LRP5: variants seen among roughly 807,000 people sequenced by gnomAD.
The protein encoded by LRP5 is low-density lipoprotein receptor-related protein 5.
In LRP5, 62 loss-of-function variants were observed where a neutral mutation model predicts 154.1. The ratio of observed to expected loss-of-function variants is 0.40; its 90% confidence interval spans 0.33 to 0.50. The LOEUF (loss-of-function observed/expected upper bound fraction) is 0.50, where lower values mean the gene tolerates loss of function less well. LRP5 is among the 20% of genes least tolerant of loss of function. The pLI is 0.55. For missense variants in LRP5, 1,915 were observed against 2,336.7 expected, an observed-to-expected ratio of 0.82 and a Z score of 3.72; for synonymous variants, 966 against 1,011.5, an observed-to-expected ratio of 0.96 and a Z score of 0.85.
intron 17 of LRP5, 74 bp downstream of exon 17, chr11:68,429,774 G>A: frequency 1.9e-6 from 3 of 1,597,948 alleles, no homozygotes; most frequent in Admixed American, 1.7e-5. Context: ...CTGCTGCCTG[G>A]CATCCTTTTA....
At chr11:68,345,792 C>T (rs866235917) in intron 1 of LRP5, among the ~76,000 whole-genome samples, 4 of 152,288 alleles carry the variant, frequency 2.6e-5, no homozygotes, top group Middle Eastern at 3.4e-3. Flanking sequence ...GCCAGTGGTG[C>T]ACAAGGGTTC....
chr11:68,361,304 C>CAA (rs111416748), intron 3 of LRP5, among the ~76,000 whole-genome samples: 1 of 122,554 alleles, frequency 8.2e-6, no homozygotes. Flanking sequence ...GACTCTGTCT[C>CAA]AAAAAAAAAA....
chr11:68,383,746 A>G (rs1415315081), intron 5 of LRP5, among the ~76,000 whole-genome samples: 1 of 152,134 alleles, frequency 6.6e-6, no homozygotes, highest in Non-Finnish European at 1.5e-5. Context: ...GACTGTTGGT[A>G]TGGGGCGGCC....
chr11:68,316,996 C>G (rs2098593785), intron 1 of LRP5, among the ~76,000 whole-genome samples: 1 of 152,250 alleles, frequency 6.6e-6, no homozygotes, highest in Non-Finnish European at 1.5e-5. Context: ...GGGGCTACAT[C>G]CAGGTCCTCG....
intron 1 of LRP5, among the ~76,000 whole-genome samples, chr11:68,316,437 A>C (rs113530330): frequency 2.0e-5 from 3 of 151,962 alleles, no homozygotes; most frequent in African/African-American, 7.2e-5. Context: ...ACGCCCAGCT[A>C]ATTTTTGTAT....
intron 21 of LRP5, among the ~76,000 whole-genome samples, chr11:68,443,585 A>ATATATATATT (rs1259673892): frequency 8.1e-5 from 2 of 24,830 alleles, no homozygotes; most frequent in African/African-American, 1.6e-4. Context: ...ATATATATAT[A>ATATATATATT]TTTTTTTTTT....
intron 1 of LRP5, among the ~76,000 whole-genome samples, chr11:68,326,978 C>T (rs1338786613): frequency 6.6e-6 from 1 of 152,186 alleles, no homozygotes; most frequent in African/African-American, 2.4e-5. Context: ...TGGACTTTGC[C>T]CAGTGTTGTG....
intron 21 of LRP5, among the ~76,000 whole-genome samples, chr11:68,443,571 ATATATATATATATATTTT>A (rs1399698274): frequency 0.012 from 524 of 42,668 alleles, 25 homozygotes; most frequent in Non-Finnish European, 0.02. Flanking sequence ...ATATATATAT[ATATATATATATATATTTT>A]TTTTTTTTTT....
intron 21 of LRP5, among the ~76,000 whole-genome samples, chr11:68,442,281 T>G (rs1459226297): frequency 6.6e-6 from 1 of 152,212 alleles, no homozygotes; most frequent in Non-Finnish European, 1.5e-5. Flanking sequence ...ACATAAGTGT[T>G]TTTTGTTTGT....
At chr11:68,417,652 A>G (rs1391456799) in intron 13 of LRP5, among the ~76,000 whole-genome samples, 1 of 151,572 alleles carries the variant, frequency 6.6e-6, no homozygotes, top group East Asian at 2.0e-4. Flanking sequence ...AACAACTGCT[A>G]GGCTGGGCGC....
chr11:68,325,958 A>C (rs2098599391), intron 1 of LRP5, among the ~76,000 whole-genome samples: 1 of 151,020 alleles, frequency 6.6e-6, no homozygotes, highest in South Asian at 2.1e-4. Context: ...CATAGTGACG[A>C]CCCCCCGGGG....
chr11:68,370,786 A>C lies in LRP5; in HGVS notation c.1015+5084A>C, dbSNP rs188163146. ...CATTTATAGGCCCTGCTTGGGCGAG[A>C]CTCTGGGCCGGGAACGTCCACATGC... On this transcript the variant is annotated intron_variant, in intron 5 of 22. Transcript: ENST00000294304. Among the ~76,000 whole-genome samples the C allele has an allele frequency of 1.4e-3, 206 of 152,038 alleles. 2 individuals carry two copies. The highest frequency in any genetic ancestry group is 2.2e-3 in the Non-Finnish European group (151 of 67,950).
chr11:68,393,208 T>C (rs986499931), intron 7 of LRP5, among the ~76,000 whole-genome samples: 1 of 152,312 alleles, frequency 6.6e-6, no homozygotes, highest in South Asian at 2.1e-4. Context: ...CACATTTTGT[T>C]TGTCTGTTTA....
At chr11:68,304,544 A>G in the LRP5 span, among the ~76,000 whole-genome samples, 2 of 152,212 alleles carry the variant, frequency 1.3e-5, no homozygotes, top group African/African-American at 4.8e-5. Flanking sequence ...GGCCGCCACC[A>G]TCCACACCCC....
intron 12 of LRP5, among the ~76,000 whole-genome samples, chr11:68,414,691 G>A (rs1415379908): frequency 3.3e-5 from 5 of 152,162 alleles, no homozygotes; most frequent in African/African-American, 4.8e-5. Flanking sequence ...GATTCCCTAC[G>A]CAGAACTTGA....
chr11:68,363,730 C>G lies in LRP5; in HGVS notation c.687-17C>G. 1 of 1,609,720 alleles carries G rather than the reference C, an allele frequency of 6.2e-7. No individual in the cohort carries two copies. The highest frequency in any genetic ancestry group is 1.7e-4 in the Middle Eastern group (1 of 6,050). On this transcript the variant is annotated splice_polypyrimidine_tract_variant and intron_variant, in intron 3 of 22. Coordinates refer to ENST00000294304, the MANE Select transcript of LRP5 (RefSeq NM_002335.4). The stretch of plus-strand genomic sequence containing the variant: ...GACCCTCCTGATGGCTCCTCCACCC[C>G]GCTTCCCTGACTGCAGGCAGAAGGT...
intron 22 of LRP5, chr11:68,446,971 C>A (rs2098681788): frequency 7.1e-6 from 2 of 280,172 alleles, no homozygotes; most frequent in African/African-American, 4.4e-5. Context: ...CACCGTAGAC[C>A]CCTAATCGTG....
rs1347844072 is a variant in LRP5, at chr11:68,411,424, T to G, written c.2319-12T>G. ...ACTCACTGAGCCTGCCCTTCTCCCT[T>G]GTGCCTTCCAGCTACATCTACTGGA... On this transcript the variant is annotated splice_polypyrimidine_tract_variant and intron_variant, in intron 10 of 22. Transcript: ENST00000294304. The G allele has an allele frequency of 2.5e-6, 4 of 1,609,600 alleles. No individual in the cohort carries two copies. In the East Asian group the frequency reaches 6.7e-5, roughly 27 times the overall value.
intron 21 of LRP5, 120 bp downstream of exon 21, chr11:68,440,036 T>G (rs1478279297): frequency 4.7e-6 from 4 of 850,678 alleles, no homozygotes; most frequent in Non-Finnish European, 5.3e-6. Flanking sequence ...CTCTGAGGCA[T>G]GCTTGCTTTC....
Sources: gnomAD v4.1 joint callset for allele counts (sites outside exome capture counted in the v4.1 genomes callset) on GRCh38, gnomAD v4.1.1 for gene constraint, MANE v1.5 for transcripts, NCBI Gene and HGNC (gene_info 2026-07-23, HGNC 2026-07-21) for gene names.